PEBP4: variants seen among roughly 807,000 people sequenced by gnomAD.
The protein encoded by PEBP4 is phosphatidylethanolamine binding protein 4, also known as phosphatidylethanolamine-binding protein 4.
A neutral mutation model predicts 23.9 loss-of-function variants in PEBP4; 22 were observed. That is an observed-to-expected ratio of 0.92 (90% CI 0.66 to 1.31). The LOEUF (loss-of-function observed/expected upper bound fraction) is 1.31, where lower values mean the gene tolerates loss of function less well. PEBP4 is among the 40% of genes most tolerant of loss of function. PEBP4 has a pLI of 0.00. For synonymous variants in PEBP4, 112 were observed against 99.3 expected (o/e 1.13, Z -0.76); for missense variants, 324 against 281.7 (o/e 1.15, Z -1.07).
At chr8:22,912,838 C>A (rs960070384) in intron 3 of PEBP4, among the ~76,000 whole-genome samples, 4 of 152,218 alleles carry the variant, frequency 2.6e-5, no homozygotes, top group Non-Finnish European at 5.9e-5. Context: ...TGACTACTTG[C>A]ACTGAAGGAG....
chr8:22,784,211 C>T (rs968179426), intron 4 of PEBP4, among the ~76,000 whole-genome samples: 10 of 152,176 alleles, frequency 6.6e-5, no homozygotes, highest in African/African-American at 2.4e-4. Context: ...AACCTGCTAC[C>T]AAACTGAGTA....
chr8:22,738,242 C>A (rs995261654), intron 4 of PEBP4, among the ~76,000 whole-genome samples: 3 of 152,164 alleles, frequency 2.0e-5, no homozygotes, highest in African/African-American at 7.2e-5. Context: ...TCGCTGCTCA[C>A]TCCTTCCTCT....
chr8:22,906,609 G>A (rs1271335348), intron 3 of PEBP4, among the ~76,000 whole-genome samples: 1 of 152,182 alleles, frequency 6.6e-6, no homozygotes, highest in African/African-American at 2.4e-5. Flanking sequence ...TAGTCACATG[G>A]GTGGCTGAGA....
chr8:22,741,699 A>C lies in PEBP4; in HGVS notation c.358-14479T>G, dbSNP rs181082725. On this transcript the variant is annotated intron_variant, in intron 4 of 6. Coordinates refer to ENST00000256404, the MANE Select transcript of PEBP4 (RefSeq NM_144962.3). ...CAGCTGAGCCCCACAGGTGGTGGGA[A>C]GGTTTGTGTGCAGAGGAGGAACCCT... is the stretch of plus-strand genomic sequence containing the variant. Among the ~76,000 whole-genome samples, 631 of 152,276 alleles carry C rather than the reference A, an allele frequency of 4.1e-3. 3 individuals carry two copies. Among genetic ancestry groups the C allele is most frequent in the Non-Finnish European group, 7.8e-3 (528 of 68,002 alleles).
intron 5 of PEBP4, among the ~76,000 whole-genome samples, 169 bp downstream of exon 5, chr8:22,727,006 A>C (rs1275963280): frequency 2.6e-5 from 4 of 152,190 alleles, no homozygotes; most frequent in Non-Finnish European, 5.9e-5. Context: ...TAAAATGGGG[A>C]CACTGATGGC....
intron 3 of PEBP4, among the ~76,000 whole-genome samples, chr8:22,857,688 AG>A (rs1157331982): frequency 6.6e-6 from 1 of 152,154 alleles, no homozygotes; most frequent in Non-Finnish European, 1.5e-5. Flanking sequence ...AGGACCAAAG[AG>A]GGAGGTGGAA....
chr8:22,818,390 G>A (rs887509846), intron 3 of PEBP4, among the ~76,000 whole-genome samples: 1 of 152,168 alleles, frequency 6.6e-6, no homozygotes, highest in Non-Finnish European at 1.5e-5. Flanking sequence ...GGGATGAGAG[G>A]TGGGAAGTGT....
chr8:22,797,723 T>C (rs1806295390), intron 4 of PEBP4, among the ~76,000 whole-genome samples: 2 of 152,198 alleles, frequency 1.3e-5, no homozygotes, highest in South Asian at 4.1e-4. Flanking sequence ...GTCTTGCTGC[T>C]ATCCATCGCA....
chr8:22,800,256 G>A (rs1806355816), intron 4 of PEBP4, among the ~76,000 whole-genome samples: 1 of 152,086 alleles, frequency 6.6e-6, no homozygotes, highest in African/African-American at 2.4e-5. Context: ...CCCTGGGCCT[G>A]CTAACCATAG....
chr8:22,794,559 A>G (rs1022928387), intron 4 of PEBP4, among the ~76,000 whole-genome samples: 2 of 152,238 alleles, frequency 1.3e-5, no homozygotes, highest in Non-Finnish European at 2.9e-5. Flanking sequence ...TGCTGGGATG[A>G]CAAGCGTGAG....
At chr8:22,922,827 T>C (rs1172998748) in intron 2 of PEBP4, among the ~76,000 whole-genome samples, 8 of 152,124 alleles carry the variant, frequency 5.3e-5, no homozygotes, top group Non-Finnish European at 1.5e-5. Context: ...CTAATTTCCA[T>C]GTGGAGAGTT....
chr8:22,834,082 T>C (rs76790779), intron 3 of PEBP4, among the ~76,000 whole-genome samples: 5,489 of 152,312 alleles, frequency 0.036, 114 homozygotes, highest in African/African-American at 0.053. Flanking sequence ...CCTTGTGTCC[T>C]GGGTCCTGGA....
chr8:22,912,397 T>C (rs1325763314), intron 3 of PEBP4, among the ~76,000 whole-genome samples: 3 of 152,118 alleles, frequency 2.0e-5, no homozygotes, highest in African/African-American at 4.8e-5. Flanking sequence ...TCTGCTCCAG[T>C]GAATACATGA....
At chr8:22,770,634 C>T (rs1216986965) in intron 4 of PEBP4, among the ~76,000 whole-genome samples, 2 of 152,214 alleles carry the variant, frequency 1.3e-5, no homozygotes, top group African/African-American at 2.4e-5. Flanking sequence ...GTCGCCTGCT[C>T]ATTCAGCTCT....
intron 4 of PEBP4, among the ~76,000 whole-genome samples, chr8:22,802,592 G>T (rs1806408799): frequency 6.6e-6 from 1 of 152,228 alleles, no homozygotes; most frequent in Non-Finnish European, 1.5e-5. Context: ...TCCCAGGCAG[G>T]TGTTGCTAAT....
intron 3 of PEBP4, among the ~76,000 whole-genome samples, chr8:22,878,983 C>A (rs768183127): frequency 6.6e-6 from 1 of 152,128 alleles, no homozygotes; most frequent in South Asian, 2.1e-4. Context: ...GGCTATGGGG[C>A]GGGTGGTATC....
At chr8:22,852,552 G>A (rs1336326869) in intron 3 of PEBP4, among the ~76,000 whole-genome samples, 2 of 152,004 alleles carry the variant, frequency 1.3e-5, no homozygotes, top group African/African-American at 2.4e-5. Flanking sequence ...CCACAAGAGC[G>A]TCCAACCAGA....
At chr8:22,815,344 G>C (rs1428844451) in intron 4 of PEBP4, among the ~76,000 whole-genome samples, 1 of 152,188 alleles carries the variant, frequency 6.6e-6, no homozygotes, top group African/African-American at 2.4e-5. Context: ...CTGCGGGTGG[G>C]GTAGTGCCTA....
chr8:22,760,314 C>T (rs2128752915), intron 4 of PEBP4, among the ~76,000 whole-genome samples: 1 of 152,240 alleles, frequency 6.6e-6, no homozygotes, highest in South Asian at 2.1e-4. Flanking sequence ...CCCTCCTAAC[C>T]ACTAAATTAT....
Sources: gnomAD v4.1 joint callset for allele counts (sites outside exome capture counted in the v4.1 genomes callset) on GRCh38, gnomAD v4.1.1 for gene constraint, MANE v1.5 for transcripts, NCBI Gene and HGNC (gene_info 2026-07-23, HGNC 2026-07-21) for gene names.